The following TRMT11 variants were observed in gnomAD, a reference collection of about 807,000 sequenced individuals.
TRMT11 encodes tRNA methyltransferase 11.
A neutral mutation model predicts 62.8 loss-of-function variants in TRMT11; 53 were observed. The observed-to-expected ratio is 0.84, with a 90% confidence interval of 0.68 to 1.06. The LOEUF is 1.06. Ranked by LOEUF, TRMT11 falls within the 50% of genes least tolerant of loss-of-function variation. The pLI is 0.00. For missense variants in TRMT11, 556 were observed against 553.4 expected (o/e 1.00, Z -0.05); for synonymous variants, 188 against 190.3 (o/e 0.99, Z 0.10).
At chr6:126,064,122 G>A (rs965579722) in intron 17 of TRMT11, among the ~76,000 whole-genome samples, 40 of 152,134 alleles carry the variant, frequency 2.6e-4, no homozygotes, top group Admixed American at 2.3e-3. Flanking sequence ...ATGGTGGGTC[G>A]TGAGCACTGG....
chr6:126,166,959 A>AC (rs1156743869), intron 21 of TRMT11, among the ~76,000 whole-genome samples: 8 of 151,848 alleles, frequency 5.3e-5, no homozygotes, highest in Non-Finnish European at 8.8e-5. Flanking sequence ...CCAGTGTCCC[A>AC]CCCCCCACCA....
intron 16 of TRMT11, among the ~76,000 whole-genome samples, chr6:126,046,031 C>T (rs1196485897): frequency 1.3e-5 from 2 of 151,942 alleles, no homozygotes; most frequent in Non-Finnish European, 2.9e-5. Flanking sequence ...TCTTTTACTG[C>T]CCTGAATTGA....
At chr6:126,059,145 A>G (rs569420438) in intron 17 of TRMT11, among the ~76,000 whole-genome samples, 13 of 150,964 alleles carry the variant, frequency 8.6e-5, no homozygotes, top group African/African-American at 3.2e-4. Flanking sequence ...TGGCCTCCCA[A>G]AGTGCTAGGT....
At chr6:126,247,475 A>G in the TRMT11 span, among the ~76,000 whole-genome samples, 53 of 147,592 alleles carry the variant, frequency 3.6e-4, no homozygotes, top group Middle Eastern at 7.1e-3. Flanking sequence ...CTATCTATCT[A>G]TCTATCTATC....
chr6:126,259,788 TC>T, the TRMT11 span, among the ~76,000 whole-genome samples: 1 of 152,326 alleles, frequency 6.6e-6, no homozygotes, highest in South Asian at 2.1e-4. Flanking sequence ...TGTTATATCA[TC>T]TTGTTGAACT....
chr6:126,231,065 G>A, the TRMT11 span, among the ~76,000 whole-genome samples: 8 of 152,174 alleles, frequency 5.3e-5, no homozygotes, highest in African/African-American at 1.7e-4. Flanking sequence ...GATAAAAAAT[G>A]TATAATAGGA....
At chr6:126,067,834 A>G (rs1406022423) in intron 17 of TRMT11, among the ~76,000 whole-genome samples, 3 of 152,206 alleles carry the variant, frequency 2.0e-5, no homozygotes, top group Non-Finnish European at 4.4e-5. Context: ...ATTGCTCCAC[A>G]TTCTAACTGA....
chr6:126,252,323 A>C, the TRMT11 span, among the ~76,000 whole-genome samples: 1 of 152,186 alleles, frequency 6.6e-6, no homozygotes, highest in African/African-American at 2.4e-5. Flanking sequence ...TGGGATGGCC[A>C]ACAAGAGTGC....
the TRMT11 span, among the ~76,000 whole-genome samples, chr6:126,237,415 C>A: frequency 6.6e-6 from 1 of 152,274 alleles, no homozygotes; most frequent in South Asian, 2.1e-4. Flanking sequence ...CACGGTGGCT[C>A]ACATCTATAA....
chr6:126,131,724 A>G (rs531559979), intron 21 of TRMT11, among the ~76,000 whole-genome samples: 1 of 152,118 alleles, frequency 6.6e-6, no homozygotes, highest in South Asian at 2.1e-4. Flanking sequence ...ATTTTTTTAG[A>G]CATTGTTTTT....
intron 17 of TRMT11, among the ~76,000 whole-genome samples, chr6:126,071,643 G>A (rs1222066987): frequency 1.3e-5 from 2 of 151,636 alleles, no homozygotes; most frequent in African/African-American, 4.8e-5. Context: ...GAGAGTAAAT[G>A]GGTTTGCTTT....
At position 125,999,524 on chromosome 6, in the gene TRMT11, C is replaced by G. The variant is rs374480497; in HGVS notation, c.590C>G (p.Thr197Arg). The G allele has an allele frequency of 6.2e-7, 1 of 1,611,554 alleles. No individual in the cohort carries two copies. The highest frequency in any genetic ancestry group is 8.5e-7 in the Non-Finnish European group (1 of 1,178,536). The change falls in exon 7 of 13, where the codon ACA (threonine) becomes AGA (arginine). Residue 197 changes from threonine to arginine, a missense_variant. Thr to Arg is a moderately conservative substitution (Grantham distance 71). Transcript: ENST00000334379. ...SVKKRHFIGN[T>R]SMDAGLSFIM... is the part of the protein sequence containing the mutation. ...AAAAAGAGACACTTTATTGGAAATA[C>G]AAGTATGGATGCTGGTTTGTCATTC...
chr6:126,118,911 A>G (rs1777617831), intron 21 of TRMT11, among the ~76,000 whole-genome samples: 1 of 152,108 alleles, frequency 6.6e-6, no homozygotes, highest in Non-Finnish European at 1.5e-5. Context: ...ACTATTTATT[A>G]ATAAGCAGAA....
At chr6:126,095,476 A>C (rs1777329653) in intron 17 of TRMT11, among the ~76,000 whole-genome samples, 1 of 152,162 alleles carries the variant, frequency 6.6e-6, no homozygotes, top group Non-Finnish European at 1.5e-5. Flanking sequence ...CTCACAGGGA[A>C]TATTTAACAC....
chr6:126,197,656 T>G (rs1464840282), intron 1 of TRMT11, among the ~76,000 whole-genome samples: 1 of 152,232 alleles, frequency 6.6e-6, no homozygotes, highest in African/African-American at 2.4e-5. Context: ...CAAAGCAGAC[T>G]TGTTCTTCTT....
intron 1 of TRMT11, among the ~76,000 whole-genome samples, chr6:126,186,532 C>T (rs1778529567): frequency 6.6e-6 from 1 of 152,070 alleles, no homozygotes; most frequent in Non-Finnish European, 1.5e-5. Flanking sequence ...TTTCAGGTGA[C>T]TATAAAATGT....
At chr6:126,093,631 A>ATATATATATATATT (rs1554236842) in intron 17 of TRMT11, among the ~76,000 whole-genome samples, 5 of 98,014 alleles carry the variant, frequency 5.1e-5, no homozygotes, top group East Asian at 6.1e-4. Flanking sequence ...ATATATATAT[A>ATATATATATATATT]TTTTCCCCCA....
chr6:126,042,012 CA>C (rs796077776), downstream of TRMT11, among the ~76,000 whole-genome samples: 2 of 151,758 alleles, frequency 1.3e-5, no homozygotes, highest in South Asian at 2.1e-4. Flanking sequence ...GTAATCCAAA[CA>C]AAAAAAAGTG....
intron 21 of TRMT11, among the ~76,000 whole-genome samples, chr6:126,152,534 G>T (rs1049691472): frequency 6.6e-6 from 1 of 152,174 alleles, no homozygotes; most frequent in African/African-American, 2.4e-5. Context: ...ACTAAATGAA[G>T]AGATTACTGG....
Sources: allele counts gnomAD v4.1 joint callset (sites outside exome capture counted in the v4.1 genomes callset), GRCh38; gene constraint gnomAD v4.1.1; transcripts MANE v1.5; gene names NCBI Gene and HGNC (gene_info 2026-07-23, HGNC 2026-07-21).